CEP85: variants seen among roughly 807,000 people sequenced by gnomAD.
CEP85 encodes centrosomal protein 85, also known as centrosomal protein of 85 kDa.
A neutral mutation model predicts 93.7 loss-of-function variants in CEP85; 58 were observed. That is an observed-to-expected ratio of 0.62 (90% CI 0.50 to 0.77). CEP85 has a LOEUF of 0.77. CEP85 is among the 30% of genes least tolerant of loss of function. The pLI, the probability that CEP85 is intolerant of heterozygous loss-of-function variation, is 0.00. For missense variants in CEP85, 868 were observed against 922.0 expected (o/e 0.94, Z 0.76); for synonymous variants, 314 against 338.6 (o/e 0.93, Z 0.80).
chr1:26,250,918 TTTTTTTC>T (rs1191994675), intron 3 of CEP85, among the ~76,000 whole-genome samples: 475 of 37,346 alleles, frequency 0.013, 53 homozygotes, highest in African/African-American at 0.042. Flanking sequence ...GCTTGCCTTT[TTTTTTTC>T]TTTTTTCTTT....
chr1:26,256,982 G>A (rs1302786668), intron 4 of CEP85, among the ~76,000 whole-genome samples: 1 of 126,380 alleles, frequency 7.9e-6, no homozygotes, highest in African/African-American at 3.0e-5. Context: ...TTGCTCTGTC[G>A]CCCAGTGGCA....
intron 8 of CEP85, among the ~76,000 whole-genome samples, chr1:26,269,106 G>T (rs1437036567): frequency 6.6e-6 from 1 of 152,098 alleles, no homozygotes; most frequent in African/African-American, 2.4e-5. Flanking sequence ...GTTCCTAACT[G>T]TCCTTCCCAC....
intron 3 of CEP85, among the ~76,000 whole-genome samples, chr1:26,250,925 C>CTTTTCTT (rs2089598940): frequency 1.8e-5 from 1 of 55,160 alleles, no homozygotes; most frequent in East Asian, 5.8e-4. Context: ...TTTTTTTTTT[C>CTTTTCTT]TTTTTTCTTT....
chr1:26,245,837 T>C (rs1185394136), intron 3 of CEP85, among the ~76,000 whole-genome samples: 1 of 152,212 alleles, frequency 6.6e-6, no homozygotes, highest in Non-Finnish European at 1.5e-5. Flanking sequence ...TATGTTGTAA[T>C]TTTAAAACAT....
rs991076456 is a variant in CEP85 at position 26,251,571 on chromosome 1, A to G, written c.209-3600A>G. 5.9e-5 allele frequency among the ~76,000 whole-genome samples: 9 copies of G among 151,764 alleles called. No homozygotes were observed. In the South Asian group the frequency reaches 8.3e-4, roughly 14 times the overall value. On this transcript the variant is annotated intron_variant, in intron 3 of 13. Transcript: ENST00000451429. The stretch of plus-strand genomic sequence containing the variant: ...CGGCCCCAAGCTTGCTTTTATAACA[A>G]CCCACTGCTTTGAGAACTAACTCAC...
At chr1:26,258,443 T>G (rs1418357682) in intron 6 of CEP85, among the ~76,000 whole-genome samples, 183 bp downstream of exon 6, 2 of 152,136 alleles carry the variant, frequency 1.3e-5, no homozygotes, top group Non-Finnish European at 2.9e-5. Context: ...CAGAAAAGGC[T>G]AAGAACCAGG....
chr1:26,277,253 G>A lies in CEP85; in HGVS notation c.2246G>A (p.Arg749Lys), dbSNP rs1160476902. The change falls in exon 14 of 14, where the codon AGA becomes AAA. Residue 749 changes from arginine (R) to lysine (K), a missense_variant. Physicochemically the swap from Arg to Lys is conservative, Grantham distance 26. Coordinates refer to ENST00000451429, the MANE Select transcript of CEP85 (RefSeq NM_001319944.2). ...IEDLRTTMSD[R>K]YAQDMGENCV... ...GACTTAAGGACCACCATGTCAGACA[G>A]ATATGCCCAGGACATGGGAGAAAAC... The A allele has an allele frequency of 2.5e-6, 4 of 1,614,092 alleles. No individual in the cohort carries two copies. The highest frequency in any genetic ancestry group is 1.3e-5 in the African/African-American group (1 of 74,948).
At chr1:26,269,882 G>C (rs958175590) in intron 9 of CEP85, among the ~76,000 whole-genome samples, 1 of 138,154 alleles carries the variant, frequency 7.2e-6, no homozygotes, top group Non-Finnish European at 1.5e-5. Flanking sequence ...CGCCTCCCAG[G>C]TTCACACCAT....
At chr1:26,263,717 C>T (rs1236181547) in intron 7 of CEP85, among the ~76,000 whole-genome samples, 1 of 152,074 alleles carries the variant, frequency 6.6e-6, no homozygotes, top group Non-Finnish European at 1.5e-5. Flanking sequence ...TTCTGTGCCC[C>T]AGCACAACCC....
At position 26,258,200 on chromosome 1, in the gene CEP85, C is replaced by A; in HGVS notation, c.1095C>A (p.Val365=). ...AAGTGCGAGAGAGCGAACTGCAAGT[C>A]CACAGTGCCCTCTTGGGCCGCCCTG... ...EQKVRESELQ[V]HSALLGRPAP... is the part of the protein sequence containing the mutation. Residue 365 remains valine, a synonymous_variant, in exon 6 of 14, where the codon GTC becomes GTA. Transcript: ENST00000451429. The A allele has an allele frequency of 1.2e-6, 2 of 1,614,128 alleles. No individual in the cohort carries two copies. The highest frequency in any genetic ancestry group is 2.2e-5 in the South Asian group (2 of 91,066).
Position 26,277,303 on chromosome 1 carries a change from G to A in CEP85, c.*10G>A. The A allele has an allele frequency of 6.2e-7, 1 of 1,606,050 alleles. No individual in the cohort carries two copies. Among genetic ancestry groups the A allele is most frequent in the Non-Finnish European group, 8.5e-7 (1 of 1,173,126 alleles). ...CTGTGTCACACAGTGAGGAATTCTG[G>A]GGGATTCCCCCAGGGAGGAGCTGGG... is the stretch of plus-strand genomic sequence containing the variant. On this transcript the variant is annotated 3_prime_UTR_variant, in exon 14 of 14. Transcript: ENST00000451429.
chr1:26,250,925 C>CCTTTTTTTTTTTTTT (rs2089598435), intron 3 of CEP85, among the ~76,000 whole-genome samples: 14 of 55,130 alleles, frequency 2.5e-4, no homozygotes, highest in African/African-American at 8.2e-4. Flanking sequence ...TTTTTTTTTT[C>CCTTTTTTTTTTTTTT]TTTTTTCTTT....
At chr1:26,256,449 T>G (rs2089702876) in intron 4 of CEP85, among the ~76,000 whole-genome samples, 2 of 151,930 alleles carry the variant, frequency 1.3e-5, no homozygotes, top group Admixed American at 1.3e-4. Flanking sequence ...GAGAATTGCT[T>G]GAACCTGGGA....
chr1:26,247,245 C>G (rs1040366186), intron 3 of CEP85, among the ~76,000 whole-genome samples: 1 of 152,096 alleles, frequency 6.6e-6, no homozygotes, highest in Non-Finnish European at 1.5e-5. Context: ...AAGAGGTTTT[C>G]TTTTTGGAGT....
intron 1 of CEP85, among the ~76,000 whole-genome samples, chr1:26,236,352 A>G (rs750958277): frequency 6.6e-6 from 1 of 151,234 alleles, no homozygotes; most frequent in Non-Finnish European, 1.5e-5. Context: ...CTGTTTCTGT[A>G]GTTTAAAGGG....
chr1:26,241,394 C>G (rs980564837), intron 2 of CEP85, among the ~76,000 whole-genome samples: 1 of 152,028 alleles, frequency 6.6e-6, no homozygotes, highest in African/African-American at 2.4e-5. Flanking sequence ...AGGTGCCCGC[C>G]ACCATGCCCA....
At chr1:26,276,844 T>C (rs1364423766) in intron 13 of CEP85, 84 bp downstream of exon 13, 1 of 1,093,666 alleles carries the variant, frequency 9.1e-7, no homozygotes, top group African/African-American at 1.6e-5. Flanking sequence ...CATATTCTTG[T>C]GGTAATATGT....
chr1:26,256,928 G>GTGTGTGTGTGTGTGTGTGTGT lies in CEP85; in HGVS notation c.904-669_904-668insTGTGTGTGTGTGTGTGTGTGT, dbSNP rs199539021. 3.7e-3 allele frequency among the ~76,000 whole-genome samples: 413 copies of GTGTGTGTGTGTGTGTGTGTGT among 111,462 alleles called. 6 individuals carry two copies. Among genetic ancestry groups the GTGTGTGTGTGTGTGTGTGTGT allele is most frequent in the Non-Finnish European group, 5.4e-3 (290 of 53,332 alleles). The allele number at this position is 111,462 out of a possible 152,430, so 73.1% of individuals were successfully genotyped here. A position where few individuals can be genotyped will look rare whatever the true frequency, so the allele number is the denominator to read the frequency against. ...TCCTTTTTTTGTTTTGTTTTGTTTT[G>GTGTGTGTGTGTGTGTGTGTGT]GTGTGTGTGTGTGTGTGTGTGTGTG... On this transcript the variant is annotated intron_variant, in intron 4 of 13. Coordinates refer to ENST00000451429, the MANE Select transcript of CEP85 (RefSeq NM_001319944.2).
At chr1:26,246,292 C>T (rs2089508091) in intron 3 of CEP85, among the ~76,000 whole-genome samples, 1 of 152,050 alleles carries the variant, frequency 6.6e-6, no homozygotes, top group Admixed American at 6.6e-5. Flanking sequence ...TGGACTTGTA[C>T]ATAAATGTTG....
Sources: gnomAD v4.1 joint callset for allele counts (sites outside exome capture counted in the v4.1 genomes callset) on GRCh38, gnomAD v4.1.1 for gene constraint, MANE v1.5 for transcripts, NCBI Gene and HGNC (gene_info 2026-07-23, HGNC 2026-07-21) for gene names.